Variants in FRMD5 observed in about 807,000 individuals in gnomAD.
The protein encoded by FRMD5 is FERM domain-containing protein 5.
In FRMD5, 20 loss-of-function variants were observed where a neutral mutation model predicts 69.0. The observed-to-expected ratio is 0.29, with a 90% CI of 0.20 to 0.42. FRMD5 has a LOEUF of 0.42. Ranked by LOEUF, FRMD5 falls within the 10% of genes least tolerant of loss-of-function variation. The probability of loss-of-function intolerance (pLI) is 1.00; values close to 1 mark genes in which losing one functional copy is unlikely to be tolerated. For missense variants in FRMD5, 595 were observed against 708.6 expected (o/e 0.84, Z 1.82); for synonymous variants, 271 against 260.1 (o/e 1.04, Z -0.40).
At chr15:44,030,819 A>G (rs1286376001) in intron 1 of FRMD5, among the ~76,000 whole-genome samples, 2 of 152,196 alleles carry the variant, frequency 1.3e-5, no homozygotes, top group African/African-American at 2.4e-5. Context: ...AAGGAAGAAG[A>G]GGGAAGTGCT....
At chr15:43,989,192 G>C in intron 1 of FRMD5, 1 of 843,700 alleles carries the variant, frequency 1.2e-6, no homozygotes. Flanking sequence ...TTGCGCTTGG[G>C]AGGAGCAGTG....
At chr15:44,128,901 G>T (rs1254774216) in intron 1 of FRMD5, among the ~76,000 whole-genome samples, 1 of 152,154 alleles carries the variant, frequency 6.6e-6, no homozygotes, top group African/African-American at 2.4e-5. Context: ...GCATGAGTGG[G>T]GAGAGAAGGC....
intron 1 of FRMD5, among the ~76,000 whole-genome samples, chr15:43,958,283 G>C (rs1372945021): frequency 6.6e-6 from 1 of 151,906 alleles, no homozygotes; most frequent in Non-Finnish European, 1.5e-5. Context: ...TCATGCCTTT[G>C]AGGACCATGC....
intron 1 of FRMD5, among the ~76,000 whole-genome samples, chr15:44,150,109 C>G (rs1020879104): frequency 2.0e-5 from 3 of 152,106 alleles, no homozygotes; most frequent in Non-Finnish European, 4.4e-5. Context: ...AAATCAACAG[C>G]TTTTTGTGAT....
At chr15:43,970,955 A>T in intron 1 of FRMD5, among the ~76,000 whole-genome samples, 1 of 152,174 alleles carries the variant, frequency 6.6e-6, no homozygotes, top group Non-Finnish European at 1.5e-5. Context: ...GGCCCTTTAG[A>T]AATTTGAATT....
intron 1 of FRMD5, among the ~76,000 whole-genome samples, chr15:44,061,629 A>C (rs1193970356): frequency 1.3e-5 from 2 of 152,222 alleles, no homozygotes; most frequent in African/African-American, 4.8e-5. Flanking sequence ...AGGGAAGTCC[A>C]TAAAGTTTGA....
intron 1 of FRMD5, among the ~76,000 whole-genome samples, chr15:44,089,013 G>A (rs920865394): frequency 6.6e-6 from 1 of 152,108 alleles, no homozygotes; most frequent in African/African-American, 2.4e-5. Context: ...TCTTAATATT[G>A]CTGATAAACT....
At chr15:44,195,327 A>AG, upstream of FRMD5, 6 of 490,224 alleles carry the variant, frequency 1.2e-5, no homozygotes, top group Non-Finnish European at 2.2e-5. Context: ...CCTCAACTGG[A>AG]GGGGGCCAAT....
intron 1 of FRMD5, among the ~76,000 whole-genome samples, chr15:44,005,389 T>C (rs1195418472): frequency 6.9e-6 from 1 of 145,240 alleles, no homozygotes; most frequent in East Asian, 2.0e-4. Flanking sequence ...GAGAATCACT[T>C]GAACCCGGTA....
At chr15:43,910,653 G>A (rs982207122) in intron 4 of FRMD5, among the ~76,000 whole-genome samples, 1 of 151,124 alleles carries the variant, frequency 6.6e-6, no homozygotes, top group African/African-American at 2.5e-5. Context: ...AGAAACCTGG[G>A]GCCAGCACCT....
intron 1 of FRMD5, among the ~76,000 whole-genome samples, chr15:44,087,862 T>C (rs1894270344): frequency 1.3e-5 from 2 of 152,098 alleles, no homozygotes; most frequent in African/African-American, 4.8e-5. Context: ...GTTCAAACTC[T>C]TTGGGGAATG....
intron 1 of FRMD5, among the ~76,000 whole-genome samples, chr15:43,965,051 G>C (rs754349346): frequency 7.2e-5 from 11 of 152,196 alleles, no homozygotes; most frequent in Non-Finnish European, 1.6e-4. Flanking sequence ...AACTCACCTA[G>C]TATGGAAAAG....
At chr15:44,178,948 C>T (rs998235605) in intron 1 of FRMD5, among the ~76,000 whole-genome samples, 3 of 151,948 alleles carry the variant, frequency 2.0e-5, no homozygotes, top group African/African-American at 4.8e-5. Context: ...GCCAAGATTG[C>T]ACCACTGTAC....
At chr15:44,136,414 A>G (rs187164575) in intron 1 of FRMD5, among the ~76,000 whole-genome samples, 1 of 151,490 alleles carries the variant, frequency 6.6e-6, no homozygotes, top group Non-Finnish European at 1.5e-5. Flanking sequence ...AGATGGCTAG[A>G]GTTAATATTT....
intron 1 of FRMD5, among the ~76,000 whole-genome samples, chr15:43,978,213 G>A (rs1305450501): frequency 1.3e-5 from 2 of 152,128 alleles, no homozygotes; most frequent in Non-Finnish European, 2.9e-5. Flanking sequence ...CAGATGAGAA[G>A]CAGCTCAATA....
intron 1 of FRMD5, among the ~76,000 whole-genome samples, chr15:44,001,130 T>A (rs1890192493): frequency 6.6e-6 from 1 of 152,230 alleles, no homozygotes; most frequent in African/African-American, 2.4e-5. Context: ...TCATTGTGGT[T>A]TTGATTTGTA....
At chr15:43,894,550 G>T (rs915387181) in intron 7 of FRMD5, among the ~76,000 whole-genome samples, 6 of 152,012 alleles carry the variant, frequency 3.9e-5, no homozygotes, top group African/African-American at 1.5e-4. Context: ...CATAATGCCC[G>T]CTGAGATAAA....
intron 1 of FRMD5, among the ~76,000 whole-genome samples, chr15:44,004,765 A>G (rs1396537414): frequency 6.6e-6 from 1 of 152,262 alleles, no homozygotes; most frequent in Non-Finnish European, 1.5e-5. Flanking sequence ...AGGAAAAGTC[A>G]CATGTCTTTA....
At chr15:43,947,427 CTATCTTCCTATAG>C (rs1370562985) in intron 1 of FRMD5, among the ~76,000 whole-genome samples, 1 of 152,194 alleles carries the variant, frequency 6.6e-6, no homozygotes, top group African/African-American at 2.4e-5. Flanking sequence ...ACAGTTAAAA[CTATCTTCCTATAG>C]TGTTTGGGTA....
Sources: gnomAD v4.1 joint callset for allele counts (sites outside exome capture counted in the v4.1 genomes callset) on GRCh38, gnomAD v4.1.1 for gene constraint, MANE v1.5 for transcripts, NCBI Gene and HGNC (gene_info 2026-07-23, HGNC 2026-07-21) for gene names.